The following INTS4 variants were observed in gnomAD, a reference collection of about 807,000 sequenced individuals.
INTS4 encodes MSTP093.
INTS4 carries 70 observed loss-of-function variants against 119.5 expected under a neutral mutation model. The observed-to-expected ratio is 0.59, with a 90% CI of 0.48 to 0.71. The LOEUF (loss-of-function observed/expected upper bound fraction) is 0.71. Among genes scored for constraint, INTS4 ranks in the 30% least tolerant of loss-of-function variants. The pLI, the probability that INTS4 is intolerant of heterozygous loss-of-function variation, is 0.00. For synonymous variants in INTS4, 316 were observed against 419.6 expected, an observed-to-expected ratio of 0.75 and a Z score of 3.02; for missense variants, 867 against 1,173.2, an observed-to-expected ratio of 0.74 and a Z score of 3.81.
intron 10 of INTS4, among the ~76,000 whole-genome samples, chr11:77,930,458 G>A (rs1419670340): frequency 1.3e-5 from 2 of 152,144 alleles, no homozygotes; most frequent in Non-Finnish European, 2.9e-5. Context: ...AACATGTTAA[G>A]TGCTGGCTCT....
intron 21 of INTS4, among the ~76,000 whole-genome samples, chr11:77,890,621 C>T (rs1321841825): frequency 6.6e-6 from 1 of 151,994 alleles, no homozygotes; most frequent in South Asian, 2.1e-4. Context: ...AATTGCCTGC[C>T]CATTTGTATG....
At chr11:77,907,585 G>T in intron 16 of INTS4, 132 bp downstream of exon 16, 2 of 645,152 alleles carry the variant, frequency 3.1e-6, no homozygotes, top group Non-Finnish European at 5.6e-6. Flanking sequence ...ACACTGCAGA[G>T]TACATATTTC....
chr11:77,981,475 G>A lies in INTS4; in HGVS notation c.348C>T (p.Asn116=). The A allele has an allele frequency of 6.6e-7, 1 of 1,522,324 alleles. No individual in the cohort carries two copies. Among genetic ancestry groups the A allele is most frequent in the African/African-American group, 1.4e-5 (1 of 72,520 alleles). The allele number at this position is 1,522,324 out of a possible 1,614,324, so 94.3% of individuals were successfully genotyped here. Residue 116 remains asparagine, a synonymous_variant, in exon 3 of 23, where the codon AAC becomes AAT. Coordinates refer to ENST00000534064, the MANE Select transcript of INTS4 (RefSeq NM_033547.4). ...SPDCIMDDAI[N]ILQNEKSHQV... ...GCAACTTACTTTCATTCTGCAGGAT[G>A]TTGATGGCATCATCCATAATGCAGT...
chr11:77,936,641 A>G (rs1293278660), intron 10 of INTS4, among the ~76,000 whole-genome samples: 1 of 152,228 alleles, frequency 6.6e-6, no homozygotes, highest in African/African-American at 2.4e-5. Flanking sequence ...CAGAAACTAC[A>G]TGTCTGAGAT....
intron 16 of INTS4, 65 bp downstream of exon 16, chr11:77,907,652 A>G (rs1467050710): frequency 8.5e-7 from 1 of 1,175,760 alleles, no homozygotes; most frequent in East Asian, 2.4e-5. Context: ...GGCCTCACAC[A>G]CTGCTGGATC....
intron 12 of INTS4, among the ~76,000 whole-genome samples, chr11:77,924,243 A>C (rs1409166185): frequency 6.6e-6 from 1 of 150,942 alleles, no homozygotes; most frequent in Non-Finnish European, 1.5e-5. Context: ...AAAAAAAAAA[A>C]CAAAAATTAG....
chr11:77,932,403 T>C (rs891079951), intron 10 of INTS4, among the ~76,000 whole-genome samples: 1 of 151,968 alleles, frequency 6.6e-6, no homozygotes, highest in Non-Finnish European at 1.5e-5. Context: ...AAAACCACAA[T>C]GAGATACCAT....
chr11:77,953,028 A>G (rs1441296812), intron 8 of INTS4, among the ~76,000 whole-genome samples: 2 of 152,220 alleles, frequency 1.3e-5, no homozygotes, highest in Non-Finnish European at 2.9e-5. Context: ...CAGAAATAAA[A>G]TCAGTAACAG....
In INTS4 at chr11:77,922,338, C is replaced by T; in HGVS notation, c.1630+18G>A. 1.3e-6 allele frequency: 2 copies of T among 1,503,836 alleles called. No homozygotes were observed. The highest frequency in any genetic ancestry group is 1.8e-6 in the Non-Finnish European group (2 of 1,125,068). The allele number at this position is 1,503,836 out of a possible 1,614,324, so 93.2% of individuals were successfully genotyped here. A position where few individuals can be genotyped will look rare whatever the true frequency, so the allele number is the denominator to read the frequency against. ...TGCCTGCCAACACATCAGGGCCCAT[C>T]CTAAGCACAGAGGATACAAGCTGGA... On this transcript the variant is annotated intron_variant, in intron 13 of 22. Transcript: ENST00000534064.
At chr11:77,890,032 C>T (rs1236985811) in intron 21 of INTS4, among the ~76,000 whole-genome samples, 2 of 152,006 alleles carry the variant, frequency 1.3e-5, no homozygotes, top group East Asian at 3.8e-4. Context: ...GTCCATAGGC[C>T]CTATTCTCAG....
chr11:77,933,829 C>A (rs1337786338), intron 10 of INTS4, among the ~76,000 whole-genome samples: 1 of 151,472 alleles, frequency 6.6e-6, no homozygotes, highest in Non-Finnish European at 1.5e-5. Context: ...GGCGCCTCTG[C>A]CCGGCCGCCC....
At chr11:77,979,239 G>A (rs1404417434) in intron 3 of INTS4, 137 bp from the exon 4 acceptor site, 3 of 529,248 alleles carry the variant, frequency 5.7e-6, no homozygotes, top group South Asian at 1.9e-5. Context: ...GAGAAGCCTA[G>A]GCAGGAGAAT....
chr11:77,926,330 C>T (rs1012674549), intron 11 of INTS4, among the ~76,000 whole-genome samples: 2 of 152,208 alleles, frequency 1.3e-5, no homozygotes, highest in Admixed American at 6.5e-5. Flanking sequence ...TTGGTCTGAA[C>T]TCCTGAAAAG....
chr11:77,956,902 G>C (rs752075884), intron 7 of INTS4, among the ~76,000 whole-genome samples: 5 of 152,040 alleles, frequency 3.3e-5, no homozygotes. Flanking sequence ...AAATCACTCT[G>C]GGAGTACAAA....
chr11:77,890,211 A>T (rs1952203801), intron 21 of INTS4, among the ~76,000 whole-genome samples: 2 of 152,212 alleles, frequency 1.3e-5, no homozygotes, highest in African/African-American at 4.8e-5. Flanking sequence ...GCTCAGAACT[A>T]GTTCTCTGCA....
chr11:77,928,677 T>C (rs1419265845), intron 10 of INTS4, 130 bp from the exon 11 acceptor site: 4 of 1,388,528 alleles, frequency 2.9e-6, no homozygotes, highest in Non-Finnish European at 2.9e-6. Context: ...TAAAACTCTG[T>C]TTCTACCAAA....
chr11:77,880,673 G>C (rs986666234), intron 22 of INTS4, among the ~76,000 whole-genome samples: 3 of 152,144 alleles, frequency 2.0e-5, no homozygotes, highest in African/African-American at 7.2e-5. Flanking sequence ...GCCAAATCCT[G>C]GTAAGAGCTG....
rs755225314 is a variant in INTS4 at position 77,994,592 on chromosome 11, G to A, written c.52C>T (p.Gln18Ter). 6.2e-7 allele frequency: 1 copy of A among 1,611,984 alleles called. No individual in the cohort carries two copies. Among genetic ancestry groups the A allele is most frequent in the South Asian group, 1.1e-5 (1 of 91,046 alleles). The change falls in exon 1 of 23, where the codon CAG (glutamine) becomes TAG (stop). Residue 18 changes from glutamine (Q) to a stop codon, truncating the protein, a stop_gained and splice_region_variant. Coordinates refer to ENST00000534064, the MANE Select transcript of INTS4 (RefSeq NM_033547.4). LOFTEE classifies it high-confidence loss of function. ...RVYEEFTKVV[Q>*]PQEEIATKKL... is the part of the protein sequence containing the mutation. ...GGATCTTTCCCGCCAGAGCTTACCT[G>A]AACCACTTTCGTGAATTCCTCATAA...
chr11:77,937,578 T>C (rs1953827753), intron 10 of INTS4, among the ~76,000 whole-genome samples: 2 of 152,058 alleles, frequency 1.3e-5, no homozygotes, highest in South Asian at 2.1e-4. Context: ...GCCCTGTCTC[T>C]ACAAAAAATT....
Sources: gnomAD v4.1 joint callset for allele counts (sites outside exome capture counted in the v4.1 genomes callset) on GRCh38, gnomAD v4.1.1 for gene constraint, MANE v1.5 for transcripts, NCBI Gene and HGNC (gene_info 2026-07-23, HGNC 2026-07-21) for gene names.